Variants in KCNQ3 observed in about 807,000 individuals in gnomAD.
KCNQ3 encodes potassium voltage-gated channel subfamily KQT member 3.
In KCNQ3, 30 loss-of-function variants were observed where a neutral mutation model predicts 92.5. The ratio of observed to expected loss-of-function variants is 0.32; its 90% CI spans 0.24 to 0.44. The LOEUF (loss-of-function observed/expected upper bound fraction) is 0.44. KCNQ3 is among the 20% of genes least tolerant of loss of function. The probability of loss-of-function intolerance (pLI) is 1.00; values close to 1 mark genes in which losing one functional copy is unlikely to be tolerated. For synonymous variants in KCNQ3, 450 were observed against 468.8 expected (o/e 0.96, Z 0.52); for missense variants, 913 against 1,140.3 (o/e 0.80, Z 2.87).
intron 1 of KCNQ3, among the ~76,000 whole-genome samples, chr8:132,225,755 T>A (rs1814392615): frequency 1.3e-5 from 2 of 152,124 alleles, no homozygotes. Flanking sequence ...TACCAGCAGG[T>A]CACTACTTAC....
chr8:132,251,771 T>C (rs1815417997), intron 1 of KCNQ3, among the ~76,000 whole-genome samples: 1 of 152,332 alleles, frequency 6.6e-6, no homozygotes, highest in East Asian at 1.9e-4. Flanking sequence ...CAGAGAATGC[T>C]TAAAAACATA....
intron 1 of KCNQ3, among the ~76,000 whole-genome samples, chr8:132,260,200 G>T (rs927591323): frequency 6.6e-6 from 1 of 151,966 alleles, no homozygotes; most frequent in African/African-American, 2.4e-5. Context: ...TACACAGATG[G>T]GTTTCAAATA....
chr8:132,338,569 T>A (rs912767294), intron 1 of KCNQ3, among the ~76,000 whole-genome samples: 1 of 152,150 alleles, frequency 6.6e-6, no homozygotes. Context: ...TGATCATGGC[T>A]CTTTGGAAGC....
chr8:132,333,017 TTGGATGGATGGA>T lies in KCNQ3; in HGVS notation c.387-146848_387-146837del, dbSNP rs3049635. Among the ~76,000 whole-genome samples the T allele has an allele frequency of 4.0e-3, 607 of 149,936 alleles. 3 individuals are homozygous for T. Among genetic ancestry groups the T allele is most frequent in the African/African-American group, 0.013 (520 of 40,526 alleles). On this transcript the variant is annotated intron_variant, in intron 1 of 14. Transcript: ENST00000388996. Reference sequence around the variant, plus strand: ...CAGAGTGAGAGGATGGATGAATGGATTGGATGGATGGATGGATGGATGGATGGATGGATGGAT... The same window carrying T: ...CAGAGTGAGAGGATGGATGAATGGATTGGATGGATGGATGGATGGATGGAT...
intron 9 of KCNQ3, among the ~76,000 whole-genome samples, chr8:132,150,176 T>C (rs1825592882): frequency 6.6e-6 from 1 of 152,122 alleles, no homozygotes; most frequent in South Asian, 2.1e-4. Context: ...ATTTGTGAGG[T>C]TAGTCTTAAG....
chr8:132,443,759 A>G (rs1261662062), intron 1 of KCNQ3, among the ~76,000 whole-genome samples: 1 of 151,994 alleles, frequency 6.6e-6, no homozygotes, highest in African/African-American at 2.4e-5. Flanking sequence ...AACAGTGTAG[A>G]TTTCTACGGG....
intron 1 of KCNQ3, among the ~76,000 whole-genome samples, chr8:132,452,502 GACACT>G (rs1313946877): frequency 2.0e-5 from 3 of 152,178 alleles, no homozygotes; most frequent in African/African-American, 7.2e-5. Context: ...GCAAAGATGA[GACACT>G]ACCCGCTTTC....
Position 132,448,596 on chromosome 8 carries a change from G to A in KCNQ3, c.386+31551C>T, listed in dbSNP as rs575798802. On this transcript the variant is annotated intron_variant, in intron 1 of 14. Transcript: ENST00000388996. Reference sequence around the variant, plus strand: ...AGGATGTGCTTGCAGTGAATTCTGCGTTTTGATTGTTGCTATTTTATAGCT... The same window carrying A: ...AGGATGTGCTTGCAGTGAATTCTGCATTTTGATTGTTGCTATTTTATAGCT... Among the ~76,000 whole-genome samples, 16 of 151,586 alleles carry A rather than the reference G, an allele frequency of 1.1e-4. No homozygotes were observed. The South Asian group carries it at 1.3e-3, about 12-fold the overall frequency.
chr8:132,144,470 T>C (rs1171712947), intron 9 of KCNQ3, among the ~76,000 whole-genome samples: 1 of 152,224 alleles, frequency 6.6e-6, no homozygotes, highest in African/African-American at 2.4e-5. Flanking sequence ...GCACTGCAGA[T>C]CTTGCAAGAA....
chr8:132,347,458 T>C (rs1325115988), intron 1 of KCNQ3, among the ~76,000 whole-genome samples: 3 of 152,186 alleles, frequency 2.0e-5, no homozygotes, highest in Admixed American at 2.0e-4. Flanking sequence ...TTTGACCTTG[T>C]GGAATTATTT....
intron 1 of KCNQ3, among the ~76,000 whole-genome samples, chr8:132,263,394 G>T (rs1245806016): frequency 6.6e-6 from 1 of 152,160 alleles, no homozygotes; most frequent in Non-Finnish European, 1.5e-5. Flanking sequence ...GATGCTGACG[G>T]CTCCACCCTA....
intron 1 of KCNQ3, among the ~76,000 whole-genome samples, chr8:132,406,777 A>G (rs1820495063): frequency 6.6e-6 from 1 of 152,152 alleles, no homozygotes; most frequent in African/African-American, 2.4e-5. Context: ...ATACAATTCA[A>G]TTGACTCCGA....
intron 1 of KCNQ3, among the ~76,000 whole-genome samples, chr8:132,214,928 C>T (rs1266293211): frequency 1.3e-5 from 2 of 152,226 alleles, no homozygotes; most frequent in East Asian, 1.9e-4. Context: ...CAACTCCTGC[C>T]AGGGCTGGGG....
intron 14 of KCNQ3, 151 bp from the exon 15 acceptor site, chr8:132,130,147 A>G: frequency 1.2e-6 from 1 of 867,992 alleles, no homozygotes; most frequent in Non-Finnish European, 1.7e-6. Flanking sequence ...CAGTGGCGCG[A>G]TCTGGGCTCA....
intron 1 of KCNQ3, among the ~76,000 whole-genome samples, chr8:132,313,975 A>C (rs1442096175): frequency 2.0e-5 from 3 of 152,206 alleles, no homozygotes; most frequent in African/African-American, 7.2e-5. Context: ...AGGAAAGTTA[A>C]GAATAGAGAG....
chr8:132,393,946 A>G (rs914641123), intron 1 of KCNQ3, among the ~76,000 whole-genome samples: 2 of 152,198 alleles, frequency 1.3e-5, no homozygotes, highest in African/African-American at 4.8e-5. Flanking sequence ...TCCTTCACTC[A>G]TCTGCCAGCC....
chr8:132,375,035 A>G (rs956959586), intron 1 of KCNQ3, among the ~76,000 whole-genome samples: 6 of 152,158 alleles, frequency 3.9e-5, no homozygotes, highest in African/African-American at 7.2e-5. Flanking sequence ...TCCTCTGGGT[A>G]TATACCCAGT....
intron 1 of KCNQ3, among the ~76,000 whole-genome samples, chr8:132,336,885 A>T (rs191572404): frequency 3.3e-5 from 5 of 152,344 alleles, no homozygotes; most frequent in Admixed American, 2.0e-4. Context: ...TGTGCACTGC[A>T]TAAGGGTACC....
At chr8:132,421,075 T>A (rs948509112) in intron 1 of KCNQ3, among the ~76,000 whole-genome samples, 7 of 152,222 alleles carry the variant, frequency 4.6e-5, no homozygotes, top group African/African-American at 1.7e-4. Context: ...GGTGAATGTT[T>A]AAACGGCTCA....
Sources: gnomAD v4.1 joint callset for allele counts (sites outside exome capture counted in the v4.1 genomes callset) on GRCh38, gnomAD v4.1.1 for gene constraint, MANE v1.5 for transcripts, NCBI Gene and HGNC (gene_info 2026-07-23, HGNC 2026-07-21) for gene names.